Variants in ADAMTS7 observed in about 807,000 individuals in gnomAD.
ADAMTS7 encodes the protein ADAM metallopeptidase with thrombospondin type 1 motif 7, also known as A disintegrin and metalloproteinase with thrombospondin motifs 7.
ADAMTS7 carries 89 observed loss-of-function variants against 172.6 expected under a neutral mutation model. That is an observed-to-expected ratio of 0.52 (90% confidence interval 0.43 to 0.61). The LOEUF (loss-of-function observed/expected upper bound fraction) is 0.61, where lower values mean the gene tolerates loss of function less well. Ranked by LOEUF, ADAMTS7 falls within the 20% of genes least tolerant of loss-of-function variation. ADAMTS7 has a pLI of 0.00. For missense variants in ADAMTS7, 1,973 were observed against 2,355.6 expected (o/e 0.84, Z 3.36); for synonymous variants, 885 against 978.4 (o/e 0.90, Z 1.78).
Position 78,791,166 on chromosome 15 carries a change from G to A in ADAMTS7, c.877C>T (p.Arg293Cys), listed in dbSNP as rs373713479. 90 of 1,613,340 alleles carry A rather than the reference G, an allele frequency of 5.6e-5. No homozygotes were observed. The highest frequency in any genetic ancestry group is 6.7e-5 in the East Asian group (3 of 44,874). Residue 293 changes from arginine (R) to cysteine (C), a missense_variant, in exon 5 of 24, where the codon CGC (arginine) becomes TGC (cysteine). Physicochemically the swap from Arg to Cys is radical, Grantham distance 180. This residue lies in a region of ADAMTS7 where 526 missense variants were observed against 662.9 expected (regional missense o/e 0.79). Coordinates refer to ENST00000388820, the MANE Select transcript of ADAMTS7 (RefSeq NM_014272.5). ...TCCTCATCTTCCAGCAGGACCAGGC[G>A]CACAATGGTGATGTGGATGGGGTTC... Reference protein sequence around the residue: ...IGNPIHITIVRLVLLEDEEED... With the variant: ...IGNPIHITIVCLVLLEDEEED...
intron 8 of ADAMTS7, among the ~76,000 whole-genome samples, chr15:78,784,613 C>A (rs1316844454): frequency 6.6e-6 from 1 of 152,030 alleles, no homozygotes; most frequent in Non-Finnish European, 1.5e-5. Context: ...TTAAAACAGT[C>A]CAATGAGTGC....
Position 78,774,735 on chromosome 15 carries a change from G to C in ADAMTS7, c.1765C>G (p.Leu589Val). The C allele has an allele frequency of 6.2e-7, 1 of 1,611,566 alleles. No individual in the cohort carries two copies. Among genetic ancestry groups the C allele is most frequent in the Non-Finnish European group, 8.5e-7 (1 of 1,179,764 alleles). ...GGGCGGCCAGCAGGGCAGGCCTGCA[G>C]GTTGCAGAGGCGGAAGCGCTTGCGC... The part of the protein sequence containing the change: ...GERKRFRLCN[L>V]QACPAGRPSF... The change falls in exon 12 of 24, where the codon CTG becomes GTG. Residue 589 changes from leucine to valine, a missense_variant. Around this residue, in one of 8 missense-constraint regions of ADAMTS7, gnomAD observed 526 missense variants for 662.9 expected, o/e 0.79. Transcript: ENST00000388820.
chr15:78,787,584 A>C (rs1366046151), intron 8 of ADAMTS7, among the ~76,000 whole-genome samples: 1 of 152,162 alleles, frequency 6.6e-6, no homozygotes, highest in Admixed American at 6.5e-5. Flanking sequence ...GAATCGCTTG[A>C]ACCCGGGAGG....
At chr15:78,774,585 C>A (rs1434060998) in intron 12 of ADAMTS7, 39 bp downstream of exon 12, 42 of 1,610,830 alleles carry the variant, frequency 2.6e-5, no homozygotes, top group Middle Eastern at 2.2e-4. Context: ...CACCCCCAGC[C>A]CTCTAAGCCT....
chr15:78,760,196 G>C (rs1033592556), intron 23 of ADAMTS7, among the ~76,000 whole-genome samples: 5 of 152,158 alleles, frequency 3.3e-5, no homozygotes, highest in Non-Finnish European at 7.4e-5. Flanking sequence ...ACTGAGCCCA[G>C]CCTGCTGGGG....
Position 78,767,484 on chromosome 15 carries a change from G to C in ADAMTS7, c.2754C>G (p.Ala918=), listed in dbSNP as rs1403697187. 1 of 1,610,774 alleles carries C rather than the reference G, an allele frequency of 6.2e-7. No individual in the cohort carries two copies. Among genetic ancestry groups the C allele is most frequent in the Admixed American group, 1.7e-5 (1 of 59,902 alleles). Residue 918 remains alanine (A), a synonymous_variant, in exon 18 of 24, where the codon GCC becomes GCG. Coordinates refer to ENST00000388820, the MANE Select transcript of ADAMTS7 (RefSeq NM_014272.5). ...IRSVGLDEQS[A]LEPPACEHLP... ...GGTGTTCACAGGCGGGTGGCTCCAG[G>C]GCGCTCTGCTCATCCAGCCCCACGC...
Position 78,766,905 on chromosome 15 carries a change from G to A in ADAMTS7, c.3006C>T (p.Gly1002=). Reference sequence around the variant, plus strand: ...AGGAGCCGCTGCCTGAGCCTTCAGGGCCCAGTGTGCCCAGGGGCCACCGAC... The same window carrying A: ...AGGAGCCGCTGCCTGAGCCTTCAGGACCCAGTGTGCCCAGGGGCCACCGAC... ...PLCRWPLGTL[G]PEGSGSGSSS... Residue 1002 remains glycine, a synonymous_variant, in exon 19 of 24, where the codon GGC becomes GGT. Transcript: ENST00000388820. 1 of 1,609,884 alleles carries A rather than the reference G, an allele frequency of 6.2e-7. No homozygotes were observed. Among genetic ancestry groups the A allele is most frequent in the South Asian group, 1.1e-5 (1 of 90,880 alleles).
chr15:78,806,539 GT>G (rs988617834), intron 1 of ADAMTS7, among the ~76,000 whole-genome samples: 3 of 152,144 alleles, frequency 2.0e-5, no homozygotes, highest in African/African-American at 7.2e-5. Context: ...CCACTTAATA[GT>G]TGTATAATCT....
In ADAMTS7 at chr15:78,791,044, T is replaced by C. The variant is rs2055573591; in HGVS notation, c.903+96A>G. 8 of 1,431,320 alleles carry C rather than the reference T, an allele frequency of 5.6e-6. No individual in the cohort carries two copies. The South Asian group carries it at 7.6e-5, about 14-fold the overall frequency. 88.7% of individuals were successfully genotyped at this position (1,431,320 alleles called of 1,614,324 possible). A position where few individuals can be genotyped will look rare whatever the true frequency, so the allele number is the denominator to read the frequency against. ...CGGTCCAGGCCAAGGCGGCCTTCAC[T>C]GTGCCCTTCCATAAAGAGCAGCACA... On this transcript the variant is annotated intron_variant, in intron 5 of 23. Transcript: ENST00000388820.
In ADAMTS7 at chr15:78,771,571, C is replaced by T. The variant is rs779302036; in HGVS notation, c.2376+14G>A. The T allele has an allele frequency of 5.0e-5, 79 of 1,589,368 alleles. No homozygotes were observed. Among genetic ancestry groups the T allele is most frequent in the Non-Finnish European group, 6.1e-5 (72 of 1,173,444 alleles). Reference sequence around the variant, plus strand: ...GCCTCTGCTCCCCCCGCCTGGGCCACGGGAGGCAGGCACCTGGATCCAGAC... The same window carrying T: ...GCCTCTGCTCCCCCCGCCTGGGCCATGGGAGGCAGGCACCTGGATCCAGAC... On this transcript the variant is annotated intron_variant, in intron 15 of 23. Coordinates refer to ENST00000388820, the MANE Select transcript of ADAMTS7 (RefSeq NM_014272.5). This position sits in a 1 kb window ranked among gnomAD's most constrained non-coding sequence, Gnocchi z 4.9.
At chr15:78,791,266 G>A (rs1364839970) in intron 4 of ADAMTS7, 43 bp from the exon 5 acceptor site, 4 of 1,575,582 alleles carry the variant, frequency 2.5e-6, no homozygotes, top group African/African-American at 1.3e-5. Flanking sequence ...GAGGATGAAG[G>A]ATACAAGCAG....
At chr15:78,775,001 C>G (rs1243302409) in intron 11 of ADAMTS7, among the ~76,000 whole-genome samples, 2 of 152,334 alleles carry the variant, frequency 1.3e-5, no homozygotes, top group South Asian at 2.1e-4. Context: ...GAGGTGGCAG[C>G]AGGAAGCCTG....
chr15:78,787,190 G>A (rs2141504817), intron 8 of ADAMTS7, among the ~76,000 whole-genome samples: 1 of 152,136 alleles, frequency 6.6e-6, no homozygotes, highest in South Asian at 2.1e-4. Flanking sequence ...AATTGCACAG[G>A]AGTCAGCACC....
At chr15:78,783,824 T>C (rs1351697911) in intron 8 of ADAMTS7, among the ~76,000 whole-genome samples, 2 of 152,096 alleles carry the variant, frequency 1.3e-5, no homozygotes, top group African/African-American at 2.4e-5. Context: ...TCAGAGGAAA[T>C]GCTCTTTGGA....
intron 22 of ADAMTS7, among the ~76,000 whole-genome samples, chr15:78,762,925 C>T (rs182174352): frequency 2.6e-4 from 40 of 152,292 alleles, no homozygotes; most frequent in African/African-American, 8.7e-4. Context: ...GGCGAGACAC[C>T]GCTGTGCCCG....
intron 11 of ADAMTS7, 43 bp downstream of exon 11, chr15:78,776,145 C>T: frequency 6.3e-7 from 1 of 1,576,526 alleles, no homozygotes; most frequent in Non-Finnish European, 8.6e-7. Context: ...TGTTTGGGTC[C>T]CTCTGTCCCA....
chr15:78,774,055 G>A (rs2055296873), intron 13 of ADAMTS7, 112 bp downstream of exon 13: 3 of 1,503,298 alleles, frequency 2.0e-6, no homozygotes, highest in South Asian at 1.2e-5. Flanking sequence ...AGAGAACCTG[G>A]GGCCCGCCAT....
At chr15:78,760,870 C>T (rs980498238) in intron 23 of ADAMTS7, among the ~76,000 whole-genome samples, 9 of 152,084 alleles carry the variant, frequency 5.9e-5, no homozygotes, top group African/African-American at 1.4e-4. Flanking sequence ...ACACCCGCCC[C>T]TGGGAGACCT....
chr15:78,806,079 C>T (rs1377306766), intron 1 of ADAMTS7, among the ~76,000 whole-genome samples: 4 of 16,836 alleles, frequency 2.4e-4, no homozygotes, highest in African/African-American at 4.5e-4. Flanking sequence ...GACTCTGACT[C>T]CCCCCCCCAA....
Sources: gnomAD v4.1 joint callset for allele counts (sites outside exome capture counted in the v4.1 genomes callset) on GRCh38, gnomAD v4.1.1 for gene constraint, gnomAD v4.1.1 regional missense constraint, Gnocchi (gnomAD v3.1) non-coding constraint, MANE v1.5 for transcripts, NCBI Gene and HGNC (gene_info 2026-07-23, HGNC 2026-07-21) for gene names.